TBL1XR1: variants seen among roughly 807,000 people sequenced by gnomAD.
TBL1XR1 encodes TBL1X/Y related 1, also known as F-box-like/WD repeat-containing protein TBL1XR1.
A neutral mutation model predicts 66.9 loss-of-function variants in TBL1XR1; 5 were observed. The ratio of observed to expected loss-of-function variants is 0.07; its 90% CI spans 0.04 to 0.16. The LOEUF (loss-of-function observed/expected upper bound fraction) is 0.16, where lower values mean the gene tolerates loss of function less well. Ranked by LOEUF, TBL1XR1 falls within the 10% of genes least tolerant of loss-of-function variation. The pLI is 1.00. For synonymous variants in TBL1XR1, 210 were observed against 206.0 expected (o/e 1.02, Z -0.17); for missense variants, 238 against 623.2 (o/e 0.38, Z 6.58).
intron 7 of TBL1XR1, 39 bp downstream of exon 7, chr3:177,049,958 A>T: frequency 6.2e-7 from 1 of 1,604,046 alleles, no homozygotes; most frequent in Non-Finnish European, 8.5e-7. Context: ...GGTTAGGTAT[A>T]CTAGTAATTA....
chr3:177,108,023 C>CA (rs367992515), intron 1 of TBL1XR1, among the ~76,000 whole-genome samples: 46,940 of 145,138 alleles, frequency 0.32, 7,664 homozygotes, highest in East Asian at 0.53. Context: ...AAACTTTATT[C>CA]AAAAAAAAAA....
intron 1 of TBL1XR1, among the ~76,000 whole-genome samples, chr3:177,161,510 C>T (rs188467503): frequency 2.6e-4 from 39 of 152,196 alleles, no homozygotes; most frequent in South Asian, 1.2e-3. Flanking sequence ...TGGCCAGGCG[C>T]GGTGGCTCAC....
At chr3:177,053,032 G>A (rs1379207655) in intron 4 of TBL1XR1, among the ~76,000 whole-genome samples, 1 of 152,180 alleles carries the variant, frequency 6.6e-6, no homozygotes, top group Non-Finnish European at 1.5e-5. Context: ...AACCCAGGAG[G>A]CGGAGGTTGC....
At chr3:177,174,174 G>C (rs1056712286) in intron 1 of TBL1XR1, among the ~76,000 whole-genome samples, 2 of 152,034 alleles carry the variant, frequency 1.3e-5, no homozygotes, top group Non-Finnish European at 2.9e-5. Context: ...AGCACTTTTG[G>C]AGGCCAAGGC....
chr3:177,199,524 G>A (rs182743689), upstream of TBL1XR1, among the ~76,000 whole-genome samples: 292 of 151,814 alleles, frequency 1.9e-3, 1 homozygote, highest in African/African-American at 7.0e-3. Context: ...TGCCACCACG[G>A]GCGGGTCCTC....
chr3:177,159,498 TAAC>T (rs1329347553), intron 1 of TBL1XR1, among the ~76,000 whole-genome samples: 2 of 152,182 alleles, frequency 1.3e-5, no homozygotes, highest in African/African-American at 4.8e-5. Flanking sequence ...TTGATCAAAA[TAAC>T]TACTTGAAAA....
intron 1 of TBL1XR1, among the ~76,000 whole-genome samples, chr3:177,188,435 T>A (rs982082104): frequency 6.6e-6 from 1 of 151,698 alleles, no homozygotes; most frequent in African/African-American, 2.4e-5. Flanking sequence ...TAATCCCAGC[T>A]ACTCAGAAGG....
intron 4 of TBL1XR1, 99 bp from the exon 5 acceptor site, chr3:177,051,825 T>TA: frequency 2.9e-5 from 40 of 1,369,414 alleles, no homozygotes; most frequent in Non-Finnish European, 3.8e-5. Context: ...TCTTCGTTCC[T>TA]AAAAAAACAT....
At chr3:177,156,035 T>A (rs992200420) in intron 1 of TBL1XR1, among the ~76,000 whole-genome samples, 6 of 150,918 alleles carry the variant, frequency 4.0e-5, no homozygotes, top group African/African-American at 1.5e-4. Flanking sequence ...AACCATTTTT[T>A]AATCTAAAAG....
At chr3:177,034,157 G>T in intron 13 of TBL1XR1, 41 bp downstream of exon 13, 2 of 1,554,460 alleles carry the variant, frequency 1.3e-6, no homozygotes, top group East Asian at 2.4e-5. Context: ...AGTCTGATTT[G>T]TAGAAGACTC....
At position 177,060,353 on chromosome 3, in the gene TBL1XR1, T is replaced by A. The variant is rs536271836; in HGVS notation, c.58+4567A>T. 2.6e-5 allele frequency among the ~76,000 whole-genome samples: 4 copies of A among 152,334 alleles called. No homozygotes were observed. The South Asian group carries it at 8.3e-4, about 32-fold the overall frequency. Reference sequence around the variant, plus strand: ...TTTTAAAAAGTAATAATATTCAGAATCACTATCTAGAAAGTTACTCATTTT... The same window carrying A: ...TTTTAAAAAGTAATAATATTCAGAAACACTATCTAGAAAGTTACTCATTTT... On this transcript the variant is annotated intron_variant, in intron 3 of 15. Transcript: ENST00000457928.
intron 1 of TBL1XR1, among the ~76,000 whole-genome samples, chr3:177,122,549 T>C (rs938660379): frequency 6.6e-6 from 1 of 152,170 alleles, no homozygotes; most frequent in African/African-American, 2.4e-5. Flanking sequence ...CCTAAAATAC[T>C]GCAAGTCCAC....
chr3:177,109,970 T>C lies in TBL1XR1; in HGVS notation c.-121-11429A>G, dbSNP rs551486048. Among the ~76,000 whole-genome samples, 3 of 152,320 alleles carry C rather than the reference T, an allele frequency of 2.0e-5. No individual in the cohort carries two copies. In the South Asian group the frequency reaches 6.2e-4, roughly 32 times the overall value. On this transcript the variant is annotated intron_variant, in intron 1 of 15. Transcript: ENST00000457928. Reference sequence around the variant, plus strand: ...GTTGTCCGCTTACTACTGGAAGGCATACCTAGAACACTTCCTTATTCACAA... The same window carrying C: ...GTTGTCCGCTTACTACTGGAAGGCACACCTAGAACACTTCCTTATTCACAA...
chr3:177,123,023 C>T (rs189107282), intron 1 of TBL1XR1, among the ~76,000 whole-genome samples: 74 of 152,190 alleles, frequency 4.9e-4, no homozygotes, highest in Middle Eastern at 3.4e-3. Context: ...TGTCTTGTGT[C>T]GCACACATGT....
chr3:177,174,778 G>GC (rs1733967578), intron 1 of TBL1XR1, among the ~76,000 whole-genome samples: 1 of 152,044 alleles, frequency 6.6e-6, no homozygotes, highest in African/African-American at 2.4e-5. Flanking sequence ...CAGAGCTAAG[G>GC]CCCTTCCCTC....
chr3:177,134,470 G>A (rs955428686), intron 1 of TBL1XR1, among the ~76,000 whole-genome samples: 1 of 152,168 alleles, frequency 6.6e-6, no homozygotes, highest in Non-Finnish European at 1.5e-5. Context: ...CAGTCCCTAA[G>A]AATGTGTTAC....
At position 177,050,546 on chromosome 3, in the gene TBL1XR1, C is replaced by T. The variant is rs1251720648; in HGVS notation, c.492G>A (p.Val164=). ...AAACTTCAGATTCATGGCCCCGCAA[C>T]ACAACAGCTTTATTAGGAGGGATTT... ...DVEIPPNKAV[V]LRGHESEVFI... The change falls in exon 6 of 16, where the codon GTG becomes GTA. Residue 164 remains valine, a synonymous_variant. Transcript: ENST00000457928. 6.2e-7 allele frequency: 1 copy of T among 1,613,732 alleles called. No homozygotes were observed. The highest frequency in any genetic ancestry group is 8.5e-7 in the Non-Finnish European group (1 of 1,179,846).
At chr3:177,104,078 T>TGCATTCCA (rs969716804) in intron 1 of TBL1XR1, among the ~76,000 whole-genome samples, 3 of 146,302 alleles carry the variant, frequency 2.1e-5, no homozygotes, top group African/African-American at 7.6e-5. Flanking sequence ...ATCACATCAC[T>TGCATTCCA]GCATTCCAGC....
chr3:177,127,556 A>G (rs539458327), intron 1 of TBL1XR1, among the ~76,000 whole-genome samples: 1 of 152,314 alleles, frequency 6.6e-6, no homozygotes, highest in South Asian at 2.1e-4. Flanking sequence ...TCATTAGACT[A>G]CTAGTATCAA....
Sources: gnomAD v4.1 joint callset for allele counts (sites outside exome capture counted in the v4.1 genomes callset) on GRCh38, gnomAD v4.1.1 for gene constraint, MANE v1.5 for transcripts, NCBI Gene and HGNC (gene_info 2026-07-23, HGNC 2026-07-21) for gene names.